Variants in MYO1D observed in about 807,000 individuals in gnomAD.
The protein encoded by MYO1D is unconventional myosin-Id.
A neutral mutation model predicts 122.0 loss-of-function variants in MYO1D; 83 were observed. That is an observed-to-expected ratio of 0.68 (90% CI 0.57 to 0.82). The LOEUF is 0.82. Ranked by LOEUF, MYO1D falls within the 40% of genes least tolerant of loss-of-function variation. The pLI is 0.00. For synonymous variants in MYO1D, 464 were observed against 446.9 expected, an observed-to-expected ratio of 1.04 and a Z score of -0.48; for missense variants, 1,157 against 1,269.5, an observed-to-expected ratio of 0.91 and a Z score of 1.35.
intron 1 of MYO1D, among the ~76,000 whole-genome samples, chr17:32,861,735 C>T (rs1232092772): frequency 6.6e-6 from 1 of 152,054 alleles, no homozygotes; most frequent in African/African-American, 2.4e-5. Context: ...AAATATGTCT[C>T]GGCCAGGTGC....
At chr17:32,503,415 C>T in intron 21 of MYO1D, among the ~76,000 whole-genome samples, 1 of 152,232 alleles carries the variant, frequency 6.6e-6, no homozygotes, top group East Asian at 1.9e-4. Flanking sequence ...CAGTGAGTCA[C>T]TTTTCCTCTC....
At chr17:32,791,936 T>C (rs961489234) in intron 1 of MYO1D, among the ~76,000 whole-genome samples, 1 of 152,162 alleles carries the variant, frequency 6.6e-6, no homozygotes, top group African/African-American at 2.4e-5. Context: ...TAGAAACAGT[T>C]TAGTTGTTGT....
intron 1 of MYO1D, among the ~76,000 whole-genome samples, chr17:32,840,093 C>A (rs150170107): frequency 6.6e-6 from 1 of 152,184 alleles, no homozygotes; most frequent in African/African-American, 2.4e-5. Context: ...ACTGGAGGCA[C>A]TAGGGCTATA....
chr17:32,658,877 A>G, intron 17 of MYO1D: 1 of 535,004 alleles, frequency 1.9e-6, no homozygotes, highest in Non-Finnish European at 3.4e-6. Context: ...GCTTGTGTCC[A>G]GGGGTTGTGG....
intron 20 of MYO1D, among the ~76,000 whole-genome samples, chr17:32,636,470 G>T (rs1481719253): frequency 2.6e-5 from 4 of 152,278 alleles, no homozygotes; most frequent in Non-Finnish European, 5.9e-5. Context: ...ATTTGCTTCA[G>T]ACTTAAAAAC....
At chr17:32,669,764 T>G (rs922279070) in intron 16 of MYO1D, among the ~76,000 whole-genome samples, 16 of 152,188 alleles carry the variant, frequency 1.1e-4, no homozygotes, top group Admixed American at 2.0e-4. Flanking sequence ...AAACCTAGAC[T>G]ATGAAAGCTA....
intron 20 of MYO1D, among the ~76,000 whole-genome samples, chr17:32,623,784 G>A (rs2087884811): frequency 6.6e-6 from 1 of 152,154 alleles, no homozygotes; most frequent in African/African-American, 2.4e-5. Flanking sequence ...AGATGAGGGT[G>A]CTGGTGGCCC....
intron 16 of MYO1D, among the ~76,000 whole-genome samples, chr17:32,692,406 T>C (rs1394734466): frequency 6.6e-6 from 1 of 152,194 alleles, no homozygotes; most frequent in Non-Finnish European, 1.5e-5. Flanking sequence ...ACAGGATATA[T>C]TTTGTCACCC....
At chr17:32,582,980 T>C (rs2087355493) in intron 21 of MYO1D, among the ~76,000 whole-genome samples, 1 of 152,246 alleles carries the variant, frequency 6.6e-6, no homozygotes, top group African/African-American at 2.4e-5. Context: ...ATATTTCTAG[T>C]GCTCTTCTGT....
intron 1 of MYO1D, among the ~76,000 whole-genome samples, chr17:32,831,360 T>C (rs190357221): frequency 6.6e-6 from 1 of 152,366 alleles, no homozygotes; most frequent in East Asian, 1.9e-4. Context: ...CTATGAAAAG[T>C]ACCCATTACT....
chr17:32,823,664 T>C (rs1598130809), intron 1 of MYO1D, among the ~76,000 whole-genome samples: 1 of 152,196 alleles, frequency 6.6e-6, no homozygotes, highest in Non-Finnish European at 1.5e-5. Flanking sequence ...TGTAAAGTTA[T>C]AGTTATAAAA....
At chr17:32,770,727 G>A (rs1362977503) in intron 6 of MYO1D, among the ~76,000 whole-genome samples, 2 of 152,152 alleles carry the variant, frequency 1.3e-5, no homozygotes, top group East Asian at 1.9e-4. Context: ...AACAGTGAGT[G>A]GAGAATCAAA....
At chr17:32,813,442 A>C (rs1025138192) in intron 1 of MYO1D, among the ~76,000 whole-genome samples, 35 of 152,224 alleles carry the variant, frequency 2.3e-4, no homozygotes, top group African/African-American at 8.2e-4. Flanking sequence ...CAGAAGTAAC[A>C]TCTAAGTTGA....
chr17:32,801,257 C>T (rs1031082455), intron 1 of MYO1D, among the ~76,000 whole-genome samples: 2 of 152,206 alleles, frequency 1.3e-5, no homozygotes, highest in African/African-American at 4.8e-5. Flanking sequence ...ACTAAAACTA[C>T]TAATATTCTT....
Position 32,500,683 on chromosome 17 carries a change from C to T in MYO1D, c.2865-5768G>A, listed in dbSNP as rs987977739. Among the ~76,000 whole-genome samples, 5 of 152,214 alleles carry T rather than the reference C, an allele frequency of 3.3e-5. 1 individual carries two copies. The highest frequency in any genetic ancestry group is 1.2e-4 in the African/African-American group (5 of 41,454). On this transcript the variant is annotated intron_variant, in intron 21 of 21. Transcript: ENST00000318217. ...CTGCCCAGCTGACGCCATCTACACACTGCCATCAGCAGATAACGAAGTCAG... is the reference window on the plus strand; with the variant it reads ...CTGCCCAGCTGACGCCATCTACACATTGCCATCAGCAGATAACGAAGTCAG...
intron 16 of MYO1D, among the ~76,000 whole-genome samples, chr17:32,661,670 C>A (rs531458117): frequency 4.2e-4 from 64 of 151,596 alleles, no homozygotes; most frequent in African/African-American, 1.4e-3. Context: ...AAAAAAAATA[C>A]CCCCCCAAAA....
intron 21 of MYO1D, among the ~76,000 whole-genome samples, chr17:32,513,499 G>A (rs889192907): frequency 6.6e-6 from 1 of 152,144 alleles, no homozygotes; most frequent in African/African-American, 2.4e-5. Flanking sequence ...GGATGCAAAG[G>A]GTTTCACTAT....
chr17:32,646,581 T>G (rs1278734819), intron 19 of MYO1D, among the ~76,000 whole-genome samples: 1 of 152,122 alleles, frequency 6.6e-6, no homozygotes, highest in Non-Finnish European at 1.5e-5. Flanking sequence ...GTTACATAAT[T>G]TCATAAGGTC....
At chr17:32,508,999 T>A (rs1350927034) in intron 21 of MYO1D, among the ~76,000 whole-genome samples, 1 of 152,198 alleles carries the variant, frequency 6.6e-6, no homozygotes, top group Non-Finnish European at 1.5e-5. Context: ...TAAAATGACA[T>A]GATTAAGAAA....
Sources: allele counts gnomAD v4.1 joint callset (sites outside exome capture counted in the v4.1 genomes callset), GRCh38; gene constraint gnomAD v4.1.1; transcripts MANE v1.5; gene names NCBI Gene and HGNC (gene_info 2026-07-23, HGNC 2026-07-21).